Variants in ARHGAP15 observed in about 807,000 individuals in gnomAD.
ARHGAP15 encodes the protein rho GTPase-activating protein 15.
Under a neutral mutation model 63.7 loss-of-function variants are expected in ARHGAP15, and 51 were observed. The ratio of observed to expected loss-of-function variants is 0.80; its 90% CI spans 0.64 to 1.01. The LOEUF is 1.01. Among genes scored for constraint, ARHGAP15 ranks in the 50% least tolerant of loss-of-function variants. The probability of loss-of-function intolerance (pLI) is 0.00; values close to 1 mark genes in which losing one functional copy is unlikely to be tolerated. For missense variants in ARHGAP15, 560 were observed against 564.6 expected (o/e 0.99, Z 0.08); for synonymous variants, 191 against 193.8 (o/e 0.99, Z 0.12).
chr2:143,678,004 C>G (rs1183376231), intron 12 of ARHGAP15, among the ~76,000 whole-genome samples: 4 of 152,084 alleles, frequency 2.6e-5, no homozygotes, highest in African/African-American at 9.7e-5. Flanking sequence ...GCCCAGGAGT[C>G]CAAGACCAGC....
chr2:143,466,196 G>A (rs543680716), intron 8 of ARHGAP15, among the ~76,000 whole-genome samples: 2 of 152,122 alleles, frequency 1.3e-5, no homozygotes, highest in African/African-American at 4.8e-5. Flanking sequence ...TTTTCAGTCT[G>A]TCATGGTTCT....
chr2:143,389,387 T>G (rs578001991), intron 6 of ARHGAP15, among the ~76,000 whole-genome samples: 5 of 152,254 alleles, frequency 3.3e-5, no homozygotes, highest in African/African-American at 1.2e-4. Flanking sequence ...GAAGCAACCT[T>G]ACACCACGCA....
chr2:143,297,979 C>T (rs958462317), intron 6 of ARHGAP15, among the ~76,000 whole-genome samples: 5 of 151,982 alleles, frequency 3.3e-5, no homozygotes, highest in South Asian at 2.1e-4. Context: ...TCGGCCCATT[C>T]CTCTACATTC....
At chr2:143,446,897 C>G (rs1690168822) in intron 8 of ARHGAP15, among the ~76,000 whole-genome samples, 1 of 151,484 alleles carries the variant, frequency 6.6e-6, no homozygotes, top group Non-Finnish European at 1.5e-5. Context: ...TTTGTTCTTG[C>G]AATAGTTTGC....
intron 2 of ARHGAP15, among the ~76,000 whole-genome samples, chr2:143,161,274 A>G (rs1441713048): frequency 1.3e-5 from 2 of 151,948 alleles, no homozygotes; most frequent in African/African-American, 4.8e-5. Flanking sequence ...AAAACAGGCT[A>G]TTCATAGAGT....
At chr2:143,502,393 G>C (rs1233208640) in intron 9 of ARHGAP15, among the ~76,000 whole-genome samples, 1 of 151,758 alleles carries the variant, frequency 6.6e-6, no homozygotes, top group Non-Finnish European at 1.5e-5. Flanking sequence ...TGGGTGTCAA[G>C]AGTAAAACTC....
intron 13 of ARHGAP15, among the ~76,000 whole-genome samples, chr2:143,766,117 T>G (rs7568511): frequency 0.17 from 26,599 of 152,016 alleles, 2,452 homozygotes; most frequent in South Asian, 0.25. Flanking sequence ...ACAAAAGTGG[T>G]TCTTCAGAGA....
chr2:143,474,067 A>G (rs1043569491), intron 8 of ARHGAP15, among the ~76,000 whole-genome samples: 1 of 152,174 alleles, frequency 6.6e-6, no homozygotes, highest in Non-Finnish European at 1.5e-5. Context: ...ATTCCCTCCT[A>G]GCTTAGGCTG....
chr2:143,287,181 G>C (rs941376952), intron 6 of ARHGAP15, among the ~76,000 whole-genome samples: 10 of 152,212 alleles, frequency 6.6e-5, no homozygotes, highest in African/African-American at 2.4e-4. Context: ...GTCTAATGCT[G>C]ATATAAAATT....
At chr2:143,313,576 T>C (rs1157575941) in intron 6 of ARHGAP15, among the ~76,000 whole-genome samples, 1 of 152,014 alleles carries the variant, frequency 6.6e-6, no homozygotes, top group Non-Finnish European at 1.5e-5. Flanking sequence ...GGAGTGTGTG[T>C]ATGGGAGGGT....
chr2:143,553,287 A>C (rs1695652408), intron 10 of ARHGAP15, among the ~76,000 whole-genome samples: 1 of 152,176 alleles, frequency 6.6e-6, no homozygotes, highest in African/African-American at 2.4e-5. Flanking sequence ...CTATTTATGT[A>C]ATTTAAAAAG....
At chr2:143,373,190 TC>T (rs911559956) in intron 6 of ARHGAP15, among the ~76,000 whole-genome samples, 25 of 152,148 alleles carry the variant, frequency 1.6e-4, no homozygotes, top group Admixed American at 5.9e-4. Context: ...GTACTGTTAT[TC>T]CCATTTTATA....
At chr2:143,184,631 G>GT (rs1180357627) in intron 2 of ARHGAP15, among the ~76,000 whole-genome samples, 5 of 150,238 alleles carry the variant, frequency 3.3e-5, no homozygotes, top group East Asian at 3.9e-4. Flanking sequence ...TTGGAGGTAG[G>GT]TAAAAAAAAA....
At position 143,153,843 on chromosome 2, in the gene ARHGAP15, T is replaced by TTCCTCTTCCTCCTCCTCC. The variant is rs1558779624; in HGVS notation, c.-14-1629_-14-1628insTTCCTCCTCCTCCTCCTC. ...CTTCTTCTTCTTCTTCTTCTTCTTC[T>TTCCTCTTCCTCCTCCTCC]TCCTCCTCCTCCTCCTCCTCCTCCT... On this transcript the variant is annotated intron_variant, in intron 1 of 13. Coordinates refer to ENST00000295095, the MANE Select transcript of ARHGAP15 (RefSeq NM_018460.4). Among the ~76,000 whole-genome samples the TTCCTCTTCCTCCTCCTCC allele has an allele frequency of 9.2e-4, 80 of 86,888 alleles. 12 individuals are homozygous for TTCCTCTTCCTCCTCCTCC. The highest frequency in any genetic ancestry group is 5.4e-3 in the East Asian group (13 of 2,392). The allele number at this position is 86,888 out of a possible 152,430, so 57.0% of individuals were successfully genotyped here.
At chr2:143,364,627 C>T (rs1165505108) in intron 6 of ARHGAP15, among the ~76,000 whole-genome samples, 1 of 152,104 alleles carries the variant, frequency 6.6e-6, no homozygotes, top group Non-Finnish European at 1.5e-5. Flanking sequence ...TTGGAAAAAT[C>T]AAGAAAGCTT....
chr2:143,159,345 A>G (rs1690201724), intron 2 of ARHGAP15, among the ~76,000 whole-genome samples: 1 of 151,974 alleles, frequency 6.6e-6, no homozygotes. Context: ...AGGCAGACAT[A>G]AAAATTGCTA....
At chr2:143,519,862 C>CA (rs1402522710) in intron 10 of ARHGAP15, among the ~76,000 whole-genome samples, 2 of 152,172 alleles carry the variant, frequency 1.3e-5, no homozygotes, top group African/African-American at 4.8e-5. Context: ...AGACACACCT[C>CA]AAAAGATGAC....
At chr2:143,449,839 A>C (rs1162512472) in intron 8 of ARHGAP15, among the ~76,000 whole-genome samples, 1 of 152,004 alleles carries the variant, frequency 6.6e-6, no homozygotes, top group Non-Finnish European at 1.5e-5. Flanking sequence ...ATTATAGGAA[A>C]TGGAAACCAA....
intron 11 of ARHGAP15, among the ~76,000 whole-genome samples, chr2:143,563,587 C>T (rs980803524): frequency 1.3e-5 from 2 of 152,212 alleles, no homozygotes; most frequent in South Asian, 2.1e-4. Context: ...AGTATTAATT[C>T]GGTTGTAGCT....
Sources: gnomAD v4.1 joint callset for allele counts (sites outside exome capture counted in the v4.1 genomes callset) on GRCh38, gnomAD v4.1.1 for gene constraint, MANE v1.5 for transcripts, NCBI Gene and HGNC (gene_info 2026-07-23, HGNC 2026-07-21) for gene names.